NCKAP5L: variants seen among roughly 807,000 people sequenced by gnomAD.
NCKAP5L encodes the protein NCK associated protein 5 like, also known as nck-associated protein 5-like.
NCKAP5L carries 54 observed loss-of-function variants against 103.2 expected under a neutral mutation model. The ratio of observed to expected loss-of-function variants is 0.52; its 90% confidence interval spans 0.42 to 0.66. The LOEUF is 0.66. Among genes scored for constraint, NCKAP5L ranks in the 30% least tolerant of loss-of-function variants. The pLI is 0.00. For synonymous variants in NCKAP5L, 762 were observed against 748.6 expected, an observed-to-expected ratio of 1.02 and a Z score of -0.29; for missense variants, 1,733 against 1,750.6, an observed-to-expected ratio of 0.99 and a Z score of 0.18.
intron 6 of NCKAP5L, 113 bp downstream of exon 6, chr12:49,801,734 TG>T: frequency 1.5e-6 from 2 of 1,317,230 alleles, no homozygotes; most frequent in Non-Finnish European, 2.1e-6. Context: ...GAATGGAAGG[TG>T]GACAGCTGAT....
At chr12:49,809,682 A>G (rs549341034) in intron 1 of NCKAP5L, among the ~76,000 whole-genome samples, 2 of 152,210 alleles carry the variant, frequency 1.3e-5, no homozygotes, top group South Asian at 2.1e-4. Flanking sequence ...CACCCTTTCC[A>G]GCCAAGATCA....
At chr12:49,819,143 T>G (rs1183792775) in intron 1 of NCKAP5L, among the ~76,000 whole-genome samples, 1 of 151,360 alleles carries the variant, frequency 6.6e-6, no homozygotes, top group Non-Finnish European at 1.5e-5. Context: ...CCATTCCATC[T>G]CTATTAAAAC....
chr12:49,817,697 T>C lies in NCKAP5L; in HGVS notation c.-99+10625A>G, dbSNP rs186152504. 7.2e-5 allele frequency among the ~76,000 whole-genome samples: 11 copies of C among 152,068 alleles called. No homozygotes were observed. In the East Asian group the frequency reaches 2.1e-3, roughly 29 times the overall value. The stretch of plus-strand genomic sequence containing the variant: ...ACAGTTAATTGATTGCTGACAAAGA[T>C]GCCAAGAACATACAACAGGGAAAGA... On this transcript the variant is annotated intron_variant, in intron 1 of 12. Transcript: ENST00000335999.
chr12:49,821,761 C>G (rs1418760771), intron 1 of NCKAP5L, among the ~76,000 whole-genome samples: 1 of 152,250 alleles, frequency 6.6e-6, no homozygotes, highest in Non-Finnish European at 1.5e-5. Flanking sequence ...GCATCCGGCA[C>G]ACAGTAAATT....
rs372647477 is a variant in NCKAP5L at position 49,792,702 on chromosome 12, G to A, written c.3625C>T (p.Arg1209Trp). ...PALLPAAPGH[R>W]GHETCPDDPC... is the part of the protein sequence containing the mutation. Reference sequence around the variant, plus strand: ...CCATCAGGACAGGTCTCATGGCCCCGGTGGCCCGGAGCAGCGGGTAGCAGT... The same window carrying A: ...CCATCAGGACAGGTCTCATGGCCCCAGTGGCCCGGAGCAGCGGGTAGCAGT... Residue 1209 changes from arginine (R) to tryptophan (W), a missense_variant, in exon 11 of 13, where the codon CGG becomes TGG. Arg to Trp is a moderately radical substitution (Grantham distance 101). Coordinates refer to ENST00000335999, the MANE Select transcript of NCKAP5L (RefSeq NM_001037806.4). The surrounding 1 kb of genome is among the most constrained non-coding windows in gnomAD (Gnocchi z 4.5). The A allele has an allele frequency of 9.9e-5, 159 of 1,611,514 alleles. 1 individual carries two copies. The highest frequency in any genetic ancestry group is 1.6e-4 in the Middle Eastern group (1 of 6,070).
At chr12:49,809,349 C>G (rs12305896) in intron 1 of NCKAP5L, among the ~76,000 whole-genome samples, 6,999 of 152,196 alleles carry the variant, frequency 0.046, 376 homozygotes, top group East Asian at 0.13. Context: ...GCTGGAGAGG[C>G]AGGCGGCAGC....
Position 49,792,926 on chromosome 12 carries a change from T to C in NCKAP5L, c.3401A>G (p.His1134Arg). Residue 1134 changes from histidine (H) to arginine (R), a missense_variant, in exon 11 of 13, where the codon CAT (histidine) becomes CGT (arginine). Coordinates refer to ENST00000335999, the MANE Select transcript of NCKAP5L (RefSeq NM_001037806.4). This position sits in a 1 kb window ranked among gnomAD's most constrained non-coding sequence, Gnocchi z 4.5. Reference sequence around the variant, plus strand: ...CTTGCTGGGGGTCCCACTGCTACCATGGTCTGGGGGTGGGAAGGTCCCAAT... The same window carrying C: ...CTTGCTGGGGGTCCCACTGCTACCACGGTCTGGGGGTGGGAAGGTCCCAAT... ...SGIGTFPPPD[H>R]GSSGTPSKNL... The C allele has an allele frequency of 6.5e-7, 1 of 1,549,486 alleles. No homozygotes were observed. The highest frequency in any genetic ancestry group is 8.7e-7 in the Non-Finnish European group (1 of 1,155,788).
intron 1 of NCKAP5L, among the ~76,000 whole-genome samples, chr12:49,817,003 A>G (rs1490453759): frequency 6.6e-6 from 1 of 152,132 alleles, no homozygotes; most frequent in Non-Finnish European, 1.5e-5. Flanking sequence ...GACATAAGAC[A>G]TGCAAGAAAA....
At chr12:49,817,340 C>T (rs1200318264) in intron 1 of NCKAP5L, among the ~76,000 whole-genome samples, 1 of 151,768 alleles carries the variant, frequency 6.6e-6, no homozygotes, top group African/African-American at 2.4e-5. Flanking sequence ...CCCAAATAGC[C>T]AAAGCAATAC....
chr12:49,794,887 G>C lies in NCKAP5L; in HGVS notation c.2973C>G (p.Ser991Arg), dbSNP rs1157345887. The C allele has an allele frequency of 2.7e-6, 4 of 1,508,346 alleles. No homozygotes were observed. The Admixed American group carries it at 7.0e-5, about 26-fold the overall frequency. The allele number at this position is 1,508,346 out of a possible 1,614,324, so 93.4% of individuals were successfully genotyped here. A position where few individuals can be genotyped will look rare whatever the true frequency, so the allele number is the denominator to read the frequency against. The change falls in exon 8 of 13, where the codon AGC becomes AGG. Residue 991 changes from serine to arginine, a missense_variant. By Grantham distance (110) the Ser-to-Arg change is moderately radical. Transcript: ENST00000335999. ...GGCCACCAGGCCGTGGCCGGGCCCG[G>C]CTGCTTAGGTAGGCCTTCTCCTCTT... The part of the protein sequence containing the change: ...ALEEEKAYLS[S>R]RARPRPGGPA...
intron 1 of NCKAP5L, among the ~76,000 whole-genome samples, chr12:49,810,331 A>C (rs1168155520): frequency 6.6e-6 from 1 of 152,220 alleles, no homozygotes; most frequent in South Asian, 2.1e-4. Context: ...AGGGTACTGG[A>C]AACAGCCTTA....
Position 49,792,976 on chromosome 12 carries a change from G to T in NCKAP5L, c.3351C>A (p.Ser1117=). The change falls in exon 11 of 13, where the codon TCC becomes TCA. Residue 1117 remains serine, a synonymous_variant. Coordinates refer to ENST00000335999, the MANE Select transcript of NCKAP5L (RefSeq NM_001037806.4). The surrounding 1 kb of genome is among the most constrained non-coding windows in gnomAD (Gnocchi z 4.5). ...TGCCACTGTCCAAGGTTCGAGTCAA[G>T]GAGCCACAGGCTGGGGAGGGGAGGG... ...VPTSHFTACG[S]LTRTLDSGIG... is the part of the protein sequence containing the mutation. 6.5e-7 allele frequency: 1 copy of T among 1,546,120 alleles called. No homozygotes were observed. Among genetic ancestry groups the T allele is most frequent in the Non-Finnish European group, 8.7e-7 (1 of 1,154,292 alleles).
At chr12:49,810,854 A>G (rs572424989) in intron 1 of NCKAP5L, among the ~76,000 whole-genome samples, 1 of 152,374 alleles carries the variant, frequency 6.6e-6, no homozygotes, top group East Asian at 1.9e-4. Context: ...TATAACATTT[A>G]TAAACAAAAG....
rs761743989 is a variant in NCKAP5L, at chr12:49,794,852, C to G, written c.3008G>C (p.Gly1003Ala). The G allele has an allele frequency of 4.6e-5, 69 of 1,508,750 alleles. No homozygotes were observed. The highest frequency in any genetic ancestry group is 2.8e-4 in the Admixed American group (12 of 42,194). 93.5% of individuals were successfully genotyped at this position (1,508,750 alleles called of 1,614,324 possible). ...CACCTGCCCCAGCCCCGTGTTGGGC[C>G]CTGGGGCTGGGCCACCAGGCCGTGG... is the stretch of plus-strand genomic sequence containing the variant. ...ARPRPGGPAPGPNTGLGQVQG... is the reference protein window; with the variant it reads ...ARPRPGGPAPAPNTGLGQVQG... The change falls in exon 8 of 13, where the codon GGG becomes GCG. Residue 1003 changes from glycine to alanine, a missense_variant. Gly to Ala is a moderately conservative substitution (Grantham distance 60, BLOSUM62 0). Coordinates refer to ENST00000335999, the MANE Select transcript of NCKAP5L (RefSeq NM_001037806.4).
chr12:49,794,712 G>A, intron 8 of NCKAP5L, 53 bp downstream of exon 8: 14 of 1,370,698 alleles, frequency 1.0e-5, no homozygotes, highest in Admixed American at 3.2e-5. Flanking sequence ...GCCCACGAAG[G>A]GAAAAGTGCC....
intron 3 of NCKAP5L, among the ~76,000 whole-genome samples, chr12:49,803,400 A>AATGG (rs1946142677): frequency 6.6e-6 from 1 of 152,106 alleles, no homozygotes; most frequent in Non-Finnish European, 1.5e-5. Flanking sequence ...AGTCAGTGGC[A>AATGG]ATGGGGGCTC....
chr12:49,806,161 A>G (rs1435420318), intron 1 of NCKAP5L, 120 bp from the exon 2 acceptor site: 1 of 152,248 alleles, frequency 6.6e-6, no homozygotes, highest in African/African-American at 2.4e-5. Context: ...CTTCCACTCT[A>G]TTGGACGAGG....
chr12:49,795,361 C>A lies in NCKAP5L; in HGVS notation c.2499G>T (p.Pro833=). 2 of 1,547,274 alleles carry A rather than the reference C, an allele frequency of 1.3e-6. No homozygotes were observed. The highest frequency in any genetic ancestry group is 1.7e-6 in the Non-Finnish European group (2 of 1,153,214). The change falls in exon 8 of 13, where the codon CCG becomes CCT. Residue 833 remains proline, a synonymous_variant. Transcript: ENST00000335999. ...PTKVVPRPGA[P]LVTKESPKPD... ...GCTTGGGGGACTCCTTGGTGACTAG[C>A]GGAGCCCCAGGTCGAGGCACCACCT...
chr12:49,809,861 T>G (rs907079988), intron 1 of NCKAP5L, among the ~76,000 whole-genome samples: 1 of 152,070 alleles, frequency 6.6e-6, no homozygotes, highest in Admixed American at 6.5e-5. Context: ...GACAAGAATT[T>G]CCTTCCCTCC....
Sources: allele counts gnomAD v4.1 joint callset (sites outside exome capture counted in the v4.1 genomes callset), GRCh38; gene constraint gnomAD v4.1.1; non-coding constraint Gnocchi (gnomAD v3.1); transcripts MANE v1.5; gene names NCBI Gene and HGNC (gene_info 2026-07-23, HGNC 2026-07-21).